HMCN1: variants seen among roughly 807,000 people sequenced by gnomAD.
HMCN1 encodes the protein hemicentin 1.
In HMCN1, 321 loss-of-function variants were observed where a neutral mutation model predicts 625.9. The ratio of observed to expected loss-of-function variants is 0.51; its 90% CI spans 0.47 to 0.56. HMCN1 has a LOEUF of 0.56. Among genes scored for constraint, HMCN1 ranks in the 20% least tolerant of loss-of-function variants. The pLI is 0.00. For missense variants in HMCN1, 6,588 were observed against 6,887.3 expected (o/e 0.96, Z 1.54); for synonymous variants, 2,425 against 2,417.6 (o/e 1.00, Z -0.09).
At chr1:186,188,112 G>A in intron 106 of HMCN1, 103 bp downstream of exon 106, 1 of 1,337,536 alleles carries the variant, frequency 7.5e-7, no homozygotes, top group Admixed American at 1.7e-5. Flanking sequence ...CTCACAGGAA[G>A]TCACTAACTC....
At chr1:186,074,237 TAA>T (rs781598499) in intron 52 of HMCN1, among the ~76,000 whole-genome samples, 2 of 151,856 alleles carry the variant, frequency 1.3e-5, no homozygotes, top group Non-Finnish European at 2.9e-5. Context: ...CAATAAAACA[TAA>T]TATAAATATC....
At chr1:186,045,937 T>A in intron 41 of HMCN1, 74 bp downstream of exon 41, 7 of 1,058,208 alleles carry the variant, frequency 6.6e-6, no homozygotes, top group Non-Finnish European at 1.0e-5. Flanking sequence ...CTATTTAGCG[T>A]GACTGTCTTT....
At chr1:185,749,511 A>C (rs1406367591) in intron 1 of HMCN1, among the ~76,000 whole-genome samples, 1 of 152,090 alleles carries the variant, frequency 6.6e-6, no homozygotes, top group Non-Finnish European at 1.5e-5. Context: ...CCCACCCTAC[A>C]TGTGTCTTCT....
At chr1:186,030,327 C>T (rs2102194402) in intron 36 of HMCN1, among the ~76,000 whole-genome samples, 1 of 152,140 alleles carries the variant, frequency 6.6e-6, no homozygotes, top group East Asian at 1.9e-4. Flanking sequence ...CTATTTCTCC[C>T]TTTGAGTTTG....
In HMCN1 at chr1:185,982,307, A is replaced by G; in HGVS notation, c.2708A>G (p.Glu903Gly). The G allele has an allele frequency of 6.2e-7, 1 of 1,613,542 alleles. No individual in the cohort carries two copies. The change falls in exon 18 of 107, where the codon GAA becomes GGA. Residue 903 changes from glutamate to glycine, a missense_variant. Coordinates refer to ENST00000271588, the MANE Select transcript of HMCN1 (RefSeq NM_031935.3). ...AGCCCTTCAGTGGCCAATGTTATTG[A>G]AGGACAGCAGCTTACTTTGCCCTGT... is the stretch of plus-strand genomic sequence containing the variant. ...GISPSVANVIEGQQLTLPCTL... is the reference protein window; with the variant it reads ...GISPSVANVIGGQQLTLPCTL...
At chr1:186,035,977 G>C (rs902751002) in intron 36 of HMCN1, among the ~76,000 whole-genome samples, 3 of 152,022 alleles carry the variant, frequency 2.0e-5, no homozygotes, top group African/African-American at 7.2e-5. Context: ...GCCACTTTTA[G>C]AGTTTTTGAA....
At chr1:186,141,288 C>A (rs1455727307) in intron 89 of HMCN1, among the ~76,000 whole-genome samples, 2 of 151,832 alleles carry the variant, frequency 1.3e-5, no homozygotes, top group Non-Finnish European at 2.9e-5. Flanking sequence ...GGATTGAGGA[C>A]CCCTGGTTTA....
chr1:186,069,817 T>C, intron 51 of HMCN1, 41 bp downstream of exon 51: 6 of 1,258,418 alleles, frequency 4.8e-6, no homozygotes, highest in Non-Finnish European at 6.9e-6. Context: ...GCTTCCCCAA[T>C]TTTTCTAACT....
chr1:185,909,230 C>G (rs1167946936), intron 4 of HMCN1, 107 bp from the exon 5 acceptor site: 3 of 820,808 alleles, frequency 3.7e-6, no homozygotes, highest in Non-Finnish European at 6.3e-6. Flanking sequence ...TCACACCAGT[C>G]CAGGATGTGC....
intron 4 of HMCN1, among the ~76,000 whole-genome samples, chr1:185,909,085 A>G (rs1172466982): frequency 6.6e-6 from 1 of 152,038 alleles, no homozygotes; most frequent in Non-Finnish European, 1.5e-5. Flanking sequence ...TTTGTACACT[A>G]TAGTCTCATT....
At chr1:185,977,376 C>A (rs1651292735) in intron 15 of HMCN1, among the ~76,000 whole-genome samples, 1 of 152,008 alleles carries the variant, frequency 6.6e-6, no homozygotes, top group South Asian at 2.1e-4. Flanking sequence ...TTTAAAAATT[C>A]AACCAAAGGA....
At chr1:186,123,733 A>T (rs1189590843) in intron 81 of HMCN1, among the ~76,000 whole-genome samples, 1 of 152,170 alleles carries the variant, frequency 6.6e-6, no homozygotes, top group Non-Finnish European at 1.5e-5. Flanking sequence ...TCAGCATTGA[A>T]ATATTTTTAG....
intron 72 of HMCN1, 130 bp downstream of exon 72, chr1:186,113,083 C>A: frequency 9.9e-7 from 1 of 1,013,522 alleles, no homozygotes; most frequent in East Asian, 2.6e-5. Flanking sequence ...AAAAAGGCAA[C>A]GTGGAGTATT....
At chr1:185,843,339 G>A (rs1038673379) in intron 1 of HMCN1, among the ~76,000 whole-genome samples, 1 of 152,150 alleles carries the variant, frequency 6.6e-6, no homozygotes, top group Non-Finnish European at 1.5e-5. Flanking sequence ...AAGAAAAGGG[G>A]GACAGTGATG....
chr1:186,049,485 G>A (rs892704634), intron 42 of HMCN1, among the ~76,000 whole-genome samples: 19 of 151,306 alleles, frequency 1.3e-4, no homozygotes, highest in Admixed American at 7.3e-4. Flanking sequence ...AGGGAGAAAA[G>A]TTATTCTCAG....
At chr1:186,187,367 C>T (rs781357133) in intron 105 of HMCN1, among the ~76,000 whole-genome samples, 2 of 152,058 alleles carry the variant, frequency 1.3e-5, no homozygotes, top group East Asian at 3.9e-4. Context: ...TAGCCTGTAC[C>T]ATCTCTCCTG....
At chr1:185,845,221 T>C (rs764994769) in intron 1 of HMCN1, among the ~76,000 whole-genome samples, 1 of 152,178 alleles carries the variant, frequency 6.6e-6, no homozygotes, top group Non-Finnish European at 1.5e-5. Flanking sequence ...TTCTTTTTCT[T>C]TCTTTTCTTT....
intron 64 of HMCN1, among the ~76,000 whole-genome samples, chr1:186,092,083 A>G (rs1659875387): frequency 6.6e-6 from 1 of 151,912 alleles, no homozygotes; most frequent in African/African-American, 2.4e-5. Flanking sequence ...TTTATATATG[A>G]TATCTTTTAT....
intron 11 of HMCN1, among the ~76,000 whole-genome samples, chr1:185,938,483 T>A (rs1667927667): frequency 6.6e-6 from 1 of 152,118 alleles, no homozygotes. Flanking sequence ...TTTCCCTAAT[T>A]TGTGGAGGAA....
Sources: allele counts gnomAD v4.1 joint callset (sites outside exome capture counted in the v4.1 genomes callset), GRCh38; gene constraint gnomAD v4.1.1; transcripts MANE v1.5; gene names NCBI Gene and HGNC (gene_info 2026-07-23, HGNC 2026-07-21).